TSPAN16: variants seen among roughly 807,000 people sequenced by gnomAD.
TSPAN16 encodes the protein tetraspanin-16.
In TSPAN16, 23 loss-of-function variants were observed where a neutral mutation model predicts 25.2. The ratio of observed to expected loss-of-function variants is 0.91; its 90% CI spans 0.66 to 1.29. TSPAN16 has a LOEUF of 1.29. Ranked by LOEUF, TSPAN16 falls within the 50% of genes most tolerant of loss-of-function variation. The probability of loss-of-function intolerance (pLI) is 0.00; values close to 1 mark genes in which losing one functional copy is unlikely to be tolerated. For synonymous variants in TSPAN16, 123 were observed against 124.4 expected, an observed-to-expected ratio of 0.99 and a Z score of 0.08; for missense variants, 272 against 299.9, an observed-to-expected ratio of 0.91 and a Z score of 0.69.
intron 5 of TSPAN16, among the ~76,000 whole-genome samples, chr19:11,309,165 T>C (rs1437639170): frequency 6.6e-6 from 1 of 151,078 alleles, no homozygotes; most frequent in African/African-American, 2.4e-5. Flanking sequence ...GCCGTGATTG[T>C]GCCGCTGCAC....
chr19:11,313,001 G>C (rs322145), intron 6 of TSPAN16, among the ~76,000 whole-genome samples: 93,215 of 151,978 alleles, frequency 0.61, 31,147 homozygotes, highest in African/African-American at 0.89. Context: ...AATAGAATAT[G>C]TAAATAGATC....
intron 4 of TSPAN16, among the ~76,000 whole-genome samples, chr19:11,305,359 G>A (rs1369434894): frequency 4.0e-5 from 6 of 151,168 alleles, no homozygotes; most frequent in African/African-American, 1.5e-4. Context: ...GCGAAACCCC[G>A]TCTCTACTAA....
chr19:11,315,256 TA>T (rs1472075488), intron 6 of TSPAN16, among the ~76,000 whole-genome samples: 1 of 128,866 alleles, frequency 7.8e-6, no homozygotes, highest in African/African-American at 2.9e-5. Flanking sequence ...ATAATAATAA[TA>T]ATAATAATAA....
intron 4 of TSPAN16, among the ~76,000 whole-genome samples, chr19:11,302,528 C>CAAAA (rs71164181): frequency 6.7e-4 from 33 of 49,284 alleles, no homozygotes; most frequent in African/African-American, 2.4e-3. Flanking sequence ...GGCTCCATCT[C>CAAAA]AAAAAAAAAA....
downstream of TSPAN16, among the ~76,000 whole-genome samples, chr19:11,319,522 CG>C (rs1019277560): frequency 3.9e-5 from 6 of 151,996 alleles, no homozygotes; most frequent in Non-Finnish European, 8.8e-5. Context: ...TCGCTTGAAC[CG>C]GGAGGCGGAG....
At chr19:11,299,331 A>G (rs991470173) in intron 3 of TSPAN16, among the ~76,000 whole-genome samples, 5 of 150,610 alleles carry the variant, frequency 3.3e-5, no homozygotes, top group African/African-American at 1.2e-4. Flanking sequence ...CCCGCCAGGC[A>G]CCCATGATCG....
chr19:11,303,891 G>A (rs1393045843), intron 4 of TSPAN16, among the ~76,000 whole-genome samples: 2 of 151,380 alleles, frequency 1.3e-5, no homozygotes, highest in Admixed American at 6.6e-5. Context: ...TCAAGTGATT[G>A]TCCTGCCTTA....
chr19:11,320,969 G>A (rs2080775412), intron 6 of TSPAN16, among the ~76,000 whole-genome samples: 1 of 152,058 alleles, frequency 6.6e-6, no homozygotes. Context: ...AGGCGTTCGA[G>A]ACCAGCCTGG....
chr19:11,296,989 C>G (rs974125803), intron 1 of TSPAN16, among the ~76,000 whole-genome samples: 1 of 152,088 alleles, frequency 6.6e-6, no homozygotes, highest in South Asian at 2.1e-4. Context: ...GGCAGTGAGC[C>G]GAGATTGTGT....
chr19:11,301,175 T>C (rs761245430), intron 3 of TSPAN16, 26 bp from the exon 4 acceptor site: 2 of 1,600,166 alleles, frequency 1.2e-6, no homozygotes, highest in Non-Finnish European at 1.7e-6. Context: ...GTTGGGGTAC[T>C]GATCACTTCC....
At chr19:11,313,032 A>C (rs1463164921) in intron 6 of TSPAN16, among the ~76,000 whole-genome samples, 2 of 152,218 alleles carry the variant, frequency 1.3e-5, no homozygotes, top group Non-Finnish European at 1.5e-5. Context: ...AATGACATTA[A>C]ATTAGTAACC....
intron 2 of TSPAN16, 95 bp downstream of exon 2, chr19:11,298,434 T>A: frequency 2.5e-6 from 3 of 1,188,610 alleles, no homozygotes; most frequent in Non-Finnish European, 3.4e-6. Context: ...TGGTGTCACC[T>A]ATTTTTTTTT....
chr19:11,302,670 T>TACAC (rs1320979669), intron 4 of TSPAN16, among the ~76,000 whole-genome samples: 1 of 117,760 alleles, frequency 8.5e-6, no homozygotes, highest in African/African-American at 5.8e-5. Context: ...CATATATATA[T>TACAC]ATATATATAC....
intron 1 of TSPAN16, among the ~76,000 whole-genome samples, chr19:11,297,305 A>G (rs1036380409): frequency 6.6e-6 from 1 of 152,138 alleles, no homozygotes; most frequent in African/African-American, 2.4e-5. Flanking sequence ...AAAAATAATA[A>G]TACAAAATAA....
downstream of TSPAN16, among the ~76,000 whole-genome samples, chr19:11,317,628 G>A (rs1004232418): frequency 1.3e-5 from 2 of 151,922 alleles, no homozygotes; most frequent in Admixed American, 6.6e-5. Flanking sequence ...CTGCCTAGCT[G>A]GGATTACAGG....
chr19:11,316,868 G>A (rs903780782), downstream of TSPAN16, among the ~76,000 whole-genome samples: 2 of 150,504 alleles, frequency 1.3e-5, no homozygotes, highest in Non-Finnish European at 1.5e-5. Context: ...GGAGTGCAGT[G>A]GTGTGATCTC....
At chr19:11,318,962 T>A (rs557027658), downstream of TSPAN16, among the ~76,000 whole-genome samples, 2 of 152,314 alleles carry the variant, frequency 1.3e-5, no homozygotes, top group East Asian at 1.9e-4. Flanking sequence ...TAAACTTTTT[T>A]ACCCACACTT....
At chr19:11,325,808 T>TTA (rs1162777957) in intron 6 of TSPAN16, among the ~76,000 whole-genome samples, 1 of 152,162 alleles carries the variant, frequency 6.6e-6, no homozygotes, top group Non-Finnish European at 1.5e-5. Flanking sequence ...GCGCAGGGGC[T>TTA]TATGCCTGTA....
chr19:11,325,502 T>G, intron 6 of TSPAN16: 1 of 1,613,672 alleles, frequency 6.2e-7, no homozygotes, highest in Non-Finnish European at 8.5e-7. Flanking sequence ...TCGTTCATCT[T>G]CTCGCAGATG....
Sources: allele counts gnomAD v4.1 joint callset (sites outside exome capture counted in the v4.1 genomes callset), GRCh38; gene constraint gnomAD v4.1.1; transcripts MANE v1.5; gene names NCBI Gene and HGNC (gene_info 2026-07-23, HGNC 2026-07-21).